GALK2: variants seen among roughly 807,000 people sequenced by gnomAD.
GALK2 encodes galactokinase 2.
In GALK2, 36 loss-of-function variants were observed where a neutral mutation model predicts 52.4. The ratio of observed to expected loss-of-function variants is 0.69; its 90% CI spans 0.53 to 0.91. The LOEUF is 0.91. Among genes scored for constraint, GALK2 ranks in the 40% least tolerant of loss-of-function variants. The pLI, the probability that GALK2 is intolerant of heterozygous loss-of-function variation, is 0.00. For synonymous variants in GALK2, 176 were observed against 199.1 expected, an observed-to-expected ratio of 0.88 and a Z score of 0.98; for missense variants, 579 against 559.1, an observed-to-expected ratio of 1.04 and a Z score of -0.36.
Position 49,328,539 on chromosome 15 carries a change from T to C in GALK2, c.*380T>C, listed in dbSNP as rs1567072842. ...GATACCACTGAATTGTATGCATTATTCTTGAATAGAGTTCATTTCTGGTTT... is the reference window on the plus strand; with the variant it reads ...GATACCACTGAATTGTATGCATTATCCTTGAATAGAGTTCATTTCTGGTTT... On this transcript the variant is annotated 3_prime_UTR_variant, in exon 10 of 10. Coordinates refer to ENST00000560031, the MANE Select transcript of GALK2 (RefSeq NM_002044.4). The C allele has an allele frequency of 1.2e-6, 2 of 1,607,140 alleles. No homozygotes were observed. The highest frequency in any genetic ancestry group is 1.7e-6 in the Non-Finnish European group (2 of 1,175,756).
downstream of GALK2, chr15:49,334,296 T>C: frequency 2.1e-6 from 2 of 947,798 alleles, no homozygotes; most frequent in Non-Finnish European, 2.5e-6. Flanking sequence ...CTTTTCCCTA[T>C]AAAGTTAAAG....
intron 1 of GALK2, among the ~76,000 whole-genome samples, chr15:49,193,713 T>G (rs2086956597): frequency 6.6e-6 from 1 of 151,690 alleles, no homozygotes; most frequent in Non-Finnish European, 1.5e-5. Flanking sequence ...TAGCATTCTG[T>G]TTTTTTATTT....
At chr15:49,227,925 C>T (rs1198576441) in intron 3 of GALK2, among the ~76,000 whole-genome samples, 1 of 152,020 alleles carries the variant, frequency 6.6e-6, no homozygotes. Flanking sequence ...GATAAATGTG[C>T]TCAGCTTTTG....
chr15:49,292,324 C>T lies in GALK2; in HGVS notation c.757-3C>T. The T allele has an allele frequency of 6.2e-7, 1 of 1,612,548 alleles. No individual in the cohort carries two copies. The highest frequency in any genetic ancestry group is 8.5e-7 in the Non-Finnish European group (1 of 1,179,086). On this transcript the variant is annotated splice_region_variant and splice_polypyrimidine_tract_variant and intron_variant, in intron 7 of 9. Coordinates refer to ENST00000560031, the MANE Select transcript of GALK2 (RefSeq NM_002044.4). ...TGACCATTATCTTGATTTGAATTTGCAGCTCCTGGCTAAATACAAAAGCTT... is the reference window on the plus strand; with the variant it reads ...TGACCATTATCTTGATTTGAATTTGTAGCTCCTGGCTAAATACAAAAGCTT...
intron 1 of GALK2, among the ~76,000 whole-genome samples, chr15:49,172,905 C>T (rs1354547490): frequency 2.0e-5 from 3 of 152,128 alleles, no homozygotes; most frequent in African/African-American, 7.2e-5. Flanking sequence ...GTTTTATTGA[C>T]ATTCACGTAT....
chr15:49,211,651 G>A (rs1650135031), intron 2 of GALK2, among the ~76,000 whole-genome samples: 1 of 152,184 alleles, frequency 6.6e-6, no homozygotes, highest in South Asian at 2.1e-4. Flanking sequence ...AGCATGGCTG[G>A]GAAAGCCTCA....
chr15:49,366,251 A>G, intron 3 of GALK2: 3 of 786,608 alleles, frequency 3.8e-6, no homozygotes, highest in East Asian at 2.4e-5. Context: ...CATATCTATA[A>G]AGTCTTTGTC....
chr15:49,166,443 G>C (rs1367986774), upstream of GALK2, among the ~76,000 whole-genome samples: 2 of 152,182 alleles, frequency 1.3e-5, no homozygotes, highest in Non-Finnish European at 2.9e-5. Flanking sequence ...AAGGGGCCGG[G>C]TGCAGTAGCT....
intron 5 of GALK2, among the ~76,000 whole-genome samples, chr15:49,259,150 C>G (rs2091965834): frequency 6.7e-6 from 1 of 149,804 alleles, no homozygotes; most frequent in East Asian, 1.9e-4. Context: ...GATCATAGAC[C>G]TCAGGGAAGG....
chr15:49,193,734 A>T (rs577043264), intron 1 of GALK2, among the ~76,000 whole-genome samples: 72 of 144,548 alleles, frequency 5.0e-4, no homozygotes, highest in African/African-American at 6.8e-4. Context: ...TTTTATTTTT[A>T]TTTTTTTTTT....
intron 5 of GALK2, among the ~76,000 whole-genome samples, chr15:49,263,924 T>C (rs936247699): frequency 6.6e-6 from 1 of 152,046 alleles, no homozygotes; most frequent in African/African-American, 2.4e-5. Flanking sequence ...TTGTAGGGTT[T>C]CTGCCAAGAG....
Position 49,254,083 on chromosome 15 carries a change from A to G in GALK2, c.504+14716A>G, listed in dbSNP as rs1414352963. ...TTTCTCCCTAAAGAGAGATGATTGT[A>G]TCACTTTCTTATGAGCATCTTTACA... On this transcript the variant is annotated intron_variant, in intron 5 of 9. Coordinates refer to ENST00000560031, the MANE Select transcript of GALK2 (RefSeq NM_002044.4). 4.8e-5 allele frequency among the ~76,000 whole-genome samples: 7 copies of G among 144,794 alleles called. 1 individual carries two copies. The highest frequency in any genetic ancestry group is 7.4e-5 in the African/African-American group (3 of 40,402). The allele number at this position is 144,794 out of a possible 152,430, so 95.0% of individuals were successfully genotyped here. A position where few individuals can be genotyped will look rare whatever the true frequency, so the allele number is the denominator to read the frequency against.
intron 1 of GALK2, among the ~76,000 whole-genome samples, chr15:49,189,427 C>T (rs1268961300): frequency 6.6e-6 from 1 of 151,992 alleles, no homozygotes; most frequent in Admixed American, 6.6e-5. Context: ...ATCCCAAGAC[C>T]CCTCAGTAGA....
chr15:49,192,115 G>A (rs2086766906), intron 1 of GALK2, among the ~76,000 whole-genome samples: 1 of 151,838 alleles, frequency 6.6e-6, no homozygotes, highest in African/African-American at 2.4e-5. Flanking sequence ...TTACTTTCTG[G>A]TATAGAAAGA....
intron 3 of GALK2, among the ~76,000 whole-genome samples, chr15:49,346,050 T>C (rs954578995): frequency 4.9e-5 from 5 of 101,086 alleles, no homozygotes; most frequent in Non-Finnish European, 1.2e-4. Flanking sequence ...TTGCTTTTGT[T>C]ATTTTTTTTT....
chr15:49,245,899 G>C (rs932303616), intron 5 of GALK2, among the ~76,000 whole-genome samples: 5 of 152,052 alleles, frequency 3.3e-5, no homozygotes, highest in African/African-American at 1.2e-4. Context: ...CAATTAATAT[G>C]GTTGTTAACA....
At chr15:49,158,431 C>T (rs550266463) in intron 1 of GALK2, among the ~76,000 whole-genome samples, 1 of 152,262 alleles carries the variant, frequency 6.6e-6, no homozygotes, top group East Asian at 1.9e-4. Context: ...CATGAAATAA[C>T]TACTCAATAT....
intron 2 of GALK2, among the ~76,000 whole-genome samples, chr15:49,206,330 A>G (rs190916377): frequency 1.2e-4 from 18 of 151,890 alleles, no homozygotes; most frequent in Admixed American, 9.2e-4. Flanking sequence ...TTCCATATGA[A>G]TTTTATAATT....
chr15:49,335,465 T>G (rs2039542561), downstream of GALK2: 4 of 1,613,564 alleles, frequency 2.5e-6, no homozygotes, highest in African/African-American at 2.7e-5. Flanking sequence ...TTTGCCTCCT[T>G]TATAACATCA....
Sources: gnomAD v4.1 joint callset for allele counts (sites outside exome capture counted in the v4.1 genomes callset) on GRCh38, gnomAD v4.1.1 for gene constraint, MANE v1.5 for transcripts, NCBI Gene and HGNC (gene_info 2026-07-23, HGNC 2026-07-21) for gene names.